The following SPATS2 variants were observed in gnomAD, a reference collection of about 807,000 sequenced individuals.
SPATS2 encodes spermatogenesis-associated serine-rich protein 2.
A neutral mutation model predicts 63.7 loss-of-function variants in SPATS2; 38 were observed. That is an observed-to-expected ratio of 0.60 (90% CI 0.46 to 0.78). The LOEUF (loss-of-function observed/expected upper bound fraction) is 0.78. Ranked by LOEUF, SPATS2 falls within the 30% of genes least tolerant of loss-of-function variation. The pLI is 0.00. For synonymous variants in SPATS2, 207 were observed against 232.9 expected (o/e 0.89, Z 1.01); for missense variants, 588 against 666.2 (o/e 0.88, Z 1.29).
intron 2 of SPATS2, among the ~76,000 whole-genome samples, chr12:49,383,711 C>T (rs1015353187): frequency 6.6e-6 from 1 of 152,150 alleles, no homozygotes; most frequent in Non-Finnish European, 1.5e-5. Flanking sequence ...CCACTTTATT[C>T]TTCCTGCATG....
At chr12:49,512,937 C>T (rs1398867441) in intron 9 of SPATS2, 1 of 1,284,862 alleles carries the variant, frequency 7.8e-7, no homozygotes, top group African/African-American at 1.5e-5. Flanking sequence ...CAAAGTATTG[C>T]TACCCCACAA....
At chr12:49,515,822 C>T (rs963209267) in intron 10 of SPATS2, among the ~76,000 whole-genome samples, 4 of 151,790 alleles carry the variant, frequency 2.6e-5, no homozygotes, top group Non-Finnish European at 5.9e-5. Context: ...GCCTAGGCAA[C>T]ATAGTGAAAC....
intron 9 of SPATS2, among the ~76,000 whole-genome samples, chr12:49,501,855 G>A (rs549743179): frequency 3.3e-5 from 5 of 152,250 alleles, no homozygotes; most frequent in African/African-American, 1.2e-4. Flanking sequence ...CTGACCTCAG[G>A]TGATCTGCCC....
Position 49,527,394 on chromosome 12 carries a change from A to G in SPATS2, c.*1139A>G, listed in dbSNP as rs1947053658. On this transcript the variant is annotated 3_prime_UTR_variant, in exon 14 of 14. Transcript: ENST00000552918. Reference sequence around the variant, plus strand: ...AAAATTGCTGCAGTCTTTACAGTTGAATAAATAAAAACAACTGCATAAATA... The same window carrying G: ...AAAATTGCTGCAGTCTTTACAGTTGGATAAATAAAAACAACTGCATAAATA... 1 of 151,974 alleles carries G rather than the reference A, an allele frequency of 6.6e-6. No individual in the cohort carries two copies. The highest frequency in any genetic ancestry group is 6.5e-5 in the Admixed American group (1 of 15,272). 9.4% of individuals were successfully genotyped at this position (151,974 alleles called of 1,614,324 possible). A position where few individuals can be genotyped will look rare whatever the true frequency, so the allele number is the denominator to read the frequency against.
intron 3 of SPATS2, among the ~76,000 whole-genome samples, chr12:49,465,612 T>G (rs990351062): frequency 3.3e-5 from 5 of 152,152 alleles, no homozygotes; most frequent in Admixed American, 6.6e-5. Flanking sequence ...GGTACATGAT[T>G]TGTAAGTATA....
intron 3 of SPATS2, among the ~76,000 whole-genome samples, chr12:49,480,342 G>C (rs78752756): frequency 0.022 from 3,380 of 152,268 alleles, 118 homozygotes; most frequent in African/African-American, 0.077. Context: ...TACCTCTTTA[G>C]ATAGCACCCA....
chr12:49,455,313 T>C (rs1945700246), intron 2 of SPATS2, among the ~76,000 whole-genome samples: 1 of 152,202 alleles, frequency 6.6e-6, no homozygotes. Context: ...TTGCTGCTGC[T>C]ATGTGTACGC....
At chr12:49,502,161 G>C (rs1946577131) in intron 9 of SPATS2, among the ~76,000 whole-genome samples, 1 of 152,140 alleles carries the variant, frequency 6.6e-6, no homozygotes, top group African/African-American at 2.4e-5. Flanking sequence ...CCTGTAGACT[G>C]TTCCCTCAGG....
intron 3 of SPATS2, among the ~76,000 whole-genome samples, chr12:49,473,849 A>G (rs1946077950): frequency 6.6e-6 from 1 of 152,260 alleles, no homozygotes; most frequent in African/African-American, 2.4e-5. Context: ...TGATAAAACT[A>G]AACCATAATA....
At chr12:49,430,410 T>G (rs1397515608) in intron 2 of SPATS2, among the ~76,000 whole-genome samples, 1 of 152,078 alleles carries the variant, frequency 6.6e-6, no homozygotes, top group Non-Finnish European at 1.5e-5. Flanking sequence ...CATTTCATAT[T>G]TCTTTATAAA....
At chr12:49,442,205 G>C (rs147803429) in intron 2 of SPATS2, among the ~76,000 whole-genome samples, 5 of 152,206 alleles carry the variant, frequency 3.3e-5, no homozygotes, top group Admixed American at 6.5e-5. Context: ...AAAATAACAA[G>C]CAAATAATTG....
intron 2 of SPATS2, among the ~76,000 whole-genome samples, chr12:49,397,419 G>A (rs1429627713): frequency 6.6e-6 from 1 of 152,166 alleles, no homozygotes; most frequent in East Asian, 1.9e-4. Context: ...ATGTATTTGA[G>A]CGGTTTCCTC....
At chr12:49,512,433 T>C (rs917616159) in intron 9 of SPATS2, among the ~76,000 whole-genome samples, 1 of 152,340 alleles carries the variant, frequency 6.6e-6, no homozygotes, top group East Asian at 1.9e-4. Flanking sequence ...TATTATAAGC[T>C]AGTTTTTTTT....
rs559148561 is a variant in SPATS2, at chr12:49,503,305, G to A, written c.839+3100G>A. Among the ~76,000 whole-genome samples, 111 of 151,448 alleles carry A rather than the reference G, an allele frequency of 7.3e-4. No individual in the cohort carries two copies. The South Asian group carries it at 0.013, about 17-fold the overall frequency. On this transcript the variant is annotated intron_variant, in intron 9 of 13. Transcript: ENST00000552918. Reference sequence around the variant, plus strand: ...GTGGAGGTTGCAGTGAGCTGAGATCGCGCCATTGCACTCCAGCCTGGGCGA... The same window carrying A: ...GTGGAGGTTGCAGTGAGCTGAGATCACGCCATTGCACTCCAGCCTGGGCGA...
At chr12:49,523,896 G>A (rs968846462) in intron 12 of SPATS2, among the ~76,000 whole-genome samples, 1 of 151,968 alleles carries the variant, frequency 6.6e-6, no homozygotes, top group Admixed American at 6.6e-5. Context: ...AGTTTGCAGT[G>A]AGCTGAGATT....
At chr12:49,408,252 CTT>C (rs201465422) in intron 2 of SPATS2, among the ~76,000 whole-genome samples, 27 of 137,042 alleles carry the variant, frequency 2.0e-4, no homozygotes, top group Admixed American at 4.4e-4. Flanking sequence ...TAGTATTCTT[CTT>C]TTTTTTTTTT....
intron 2 of SPATS2, chr12:49,454,260 C>T (rs1025311431): frequency 2.6e-5 from 4 of 152,286 alleles, no homozygotes; most frequent in African/African-American, 9.7e-5. Flanking sequence ...CCAAGTACTC[C>T]TGCAAAGTAC....
chr12:49,406,675 T>G (rs894387041), intron 2 of SPATS2: 1 of 152,122 alleles, frequency 6.6e-6, no homozygotes, highest in Non-Finnish European at 1.5e-5. Context: ...CTATTTTAAA[T>G]TTGCTACTTC....
chr12:49,380,425 GC>G (rs950532114), intron 2 of SPATS2, among the ~76,000 whole-genome samples: 39 of 151,988 alleles, frequency 2.6e-4, no homozygotes, highest in African/African-American at 8.7e-4. Context: ...CTGTTTATTG[GC>G]CATGCACGGT....
Sources: gnomAD v4.1 joint callset for allele counts (sites outside exome capture counted in the v4.1 genomes callset) on GRCh38, gnomAD v4.1.1 for gene constraint, MANE v1.5 for transcripts, NCBI Gene and HGNC (gene_info 2026-07-23, HGNC 2026-07-21) for gene names.